ANKS1B: variants seen among roughly 807,000 people sequenced by gnomAD.
ANKS1B encodes the protein ankyrin repeat and sterile alpha motif domain-containing protein 1B.
ANKS1B carries 36 observed loss-of-function variants against 148.3 expected under a neutral mutation model. The observed-to-expected ratio is 0.24, with a 90% CI of 0.19 to 0.32. The LOEUF (loss-of-function observed/expected upper bound fraction) is 0.32. ANKS1B is among the 10% of genes least tolerant of loss of function. The pLI is 1.00. For missense variants in ANKS1B, 1,157 were observed against 1,542.6 expected, an observed-to-expected ratio of 0.75 and a Z score of 4.19; for synonymous variants, 542 against 560.8, an observed-to-expected ratio of 0.97 and a Z score of 0.47.
chr12:99,657,167 T>C (rs538463205), intron 8 of ANKS1B, among the ~76,000 whole-genome samples: 2 of 152,286 alleles, frequency 1.3e-5, no homozygotes, highest in South Asian at 4.1e-4. Context: ...ACAACAGCCA[T>C]TTGAGGCAAA....
At position 98,751,232 on chromosome 12, in the gene ANKS1B, A is replaced by G; in HGVS notation, c.3747+123T>C. 2.0e-6 allele frequency: 2 copies of G among 1,022,492 alleles called. No individual in the cohort carries two copies. Among genetic ancestry groups the G allele is most frequent in the Non-Finnish European group, 2.8e-6 (2 of 707,710 alleles). 63.3% of individuals were successfully genotyped at this position (1,022,492 alleles called of 1,614,324 possible). Reference sequence around the variant, plus strand: ...GATGGACACATGCCAGGAGGAGGCCAAGGGAAAGGATGAAGAAGAGGCCCT... The same window carrying G: ...GATGGACACATGCCAGGAGGAGGCCGAGGGAAAGGATGAAGAAGAGGCCCT... On this transcript the variant is annotated intron_variant, in intron 26 of 26. Transcript: ENST00000683438. This position sits in a 1 kb window ranked among gnomAD's most constrained non-coding sequence, Gnocchi z 4.3.
intron 17 of ANKS1B, among the ~76,000 whole-genome samples, chr12:99,043,805 G>A (rs994895334): frequency 5.9e-5 from 9 of 152,052 alleles, no homozygotes; most frequent in Non-Finnish European, 1.2e-4. Flanking sequence ...TGGCTTATAC[G>A]AATCTTATAC....
Position 98,744,451 on chromosome 12 carries a change from T to G in ANKS1B, c.*1288A>C, listed in dbSNP as rs1223447436. The G allele has an allele frequency of 4.0e-6, 3 of 746,504 alleles. No individual in the cohort carries two copies. Among genetic ancestry groups the G allele is most frequent in the Non-Finnish European group, 4.9e-6 (3 of 611,930 alleles). The allele number at this position is 746,504 out of a possible 1,614,324, so 46.2% of individuals were successfully genotyped here. ...TTCAAAATGATTCACAATATGATTGTTAGAACAATATACATTAAAATGTTA... is the reference window on the plus strand; with the variant it reads ...TTCAAAATGATTCACAATATGATTGGTAGAACAATATACATTAAAATGTTA... On this transcript the variant is annotated 3_prime_UTR_variant, in exon 27 of 27. Coordinates refer to ENST00000683438, the MANE Select transcript of ANKS1B (RefSeq NM_001352186.2).
intron 8 of ANKS1B, among the ~76,000 whole-genome samples, chr12:99,753,307 A>G (rs2061281136): frequency 6.6e-6 from 1 of 152,158 alleles, no homozygotes; most frequent in Non-Finnish European, 1.5e-5. Context: ...ACACCATGCA[A>G]GAAATGCCTA....
intron 12 of ANKS1B, among the ~76,000 whole-genome samples, chr12:99,343,307 A>G (rs1324580953): frequency 6.6e-6 from 1 of 152,056 alleles, no homozygotes; most frequent in African/African-American, 2.4e-5. Context: ...ATGATTCACA[A>G]TTGTTTTTAA....
intron 15 of ANKS1B, among the ~76,000 whole-genome samples, chr12:99,143,637 T>C (rs1022736423): frequency 6.6e-6 from 1 of 152,146 alleles, no homozygotes; most frequent in Admixed American, 6.5e-5. Flanking sequence ...GTCTCCTGCA[T>C]GAATGAAATG....
Position 98,781,159 on chromosome 12 carries a change from A to C in ANKS1B, c.3399T>G (p.Ser1133=). ...TAAATTTGACTCCTTTATATGAGACAGAAAGAATAATAGTAGGGACCTTCT... is the reference window on the plus strand; with the variant it reads ...TAAATTTGACTCCTTTATATGAGACCGAAAGAATAATAGTAGGGACCTTCT... ...QMKKVPTIIL[S]VSYKGVKFID... Residue 1133 remains serine (S), a synonymous_variant, in exon 24 of 27, where the codon TCT becomes TCG. Coordinates refer to ENST00000683438, the MANE Select transcript of ANKS1B (RefSeq NM_001352186.2). The C allele has an allele frequency of 6.3e-7, 1 of 1,587,108 alleles. No homozygotes were observed. Among genetic ancestry groups the C allele is most frequent in the East Asian group, 2.3e-5 (1 of 44,276 alleles).
At chr12:99,553,282 T>C (rs2097241791) in intron 9 of ANKS1B, among the ~76,000 whole-genome samples, 1 of 152,224 alleles carries the variant, frequency 6.6e-6, no homozygotes, top group African/African-American at 2.4e-5. Flanking sequence ...ATAGCCCTCA[T>C]CATTAAACCC....
In ANKS1B at chr12:98,925,829, T is replaced by A. The variant is rs1460716309; in HGVS notation, c.2779-93693A>T. On this transcript the variant is annotated intron_variant, in intron 17 of 26. Transcript: ENST00000683438. ...TTAAGAAAGCTCCATTCTTATAGTT[T>A]GTCTTTATTTGCCTTGACTTAAAGC... 2.0e-5 allele frequency among the ~76,000 whole-genome samples: 3 copies of A among 152,336 alleles called. No individual in the cohort carries two copies. The East Asian group carries it at 5.8e-4, about 29-fold the overall frequency.
At chr12:99,186,391 A>G (rs1317072589) in intron 14 of ANKS1B, among the ~76,000 whole-genome samples, 1 of 152,212 alleles carries the variant, frequency 6.6e-6, no homozygotes, top group East Asian at 1.9e-4. Flanking sequence ...AGCTCTGCTA[A>G]GGGACAGACT....
At chr12:99,462,745 T>A (rs551451602) in intron 10 of ANKS1B, among the ~76,000 whole-genome samples, 94 of 152,196 alleles carry the variant, frequency 6.2e-4, no homozygotes, top group Admixed American at 1.9e-3. Context: ...GAGATGGGCA[T>A]ACTGGGAGGT....
intron 9 of ANKS1B, among the ~76,000 whole-genome samples, chr12:99,528,432 C>CAAAAAAAAAAAAA (rs537716638): frequency 2.1e-5 from 2 of 96,680 alleles, no homozygotes; most frequent in Admixed American, 1.0e-4. Context: ...AAAACAAAAA[C>CAAAAAAAAAAAAA]AAAAAAAAAA....
chr12:98,991,076 T>C (rs967815883), intron 17 of ANKS1B, among the ~76,000 whole-genome samples: 1 of 151,948 alleles, frequency 6.6e-6, no homozygotes, highest in Non-Finnish European at 1.5e-5. Flanking sequence ...GAGAGAGGAG[T>C]AAATACTGAT....
intron 17 of ANKS1B, among the ~76,000 whole-genome samples, chr12:98,857,669 G>A (rs1367423824): frequency 6.6e-6 from 1 of 152,122 alleles, no homozygotes; most frequent in Non-Finnish European, 1.5e-5. Flanking sequence ...ATGAATAAAT[G>A]AATGAAGGTG....
chr12:99,332,846 A>C (rs1250492546), intron 12 of ANKS1B, among the ~76,000 whole-genome samples: 2 of 151,922 alleles, frequency 1.3e-5, no homozygotes, highest in African/African-American at 2.4e-5. Flanking sequence ...AGAGAACTTT[A>C]AGTAATTCCA....
intron 1 of ANKS1B, among the ~76,000 whole-genome samples, chr12:99,964,175 T>C (rs1229915865): frequency 2.0e-5 from 3 of 152,158 alleles, no homozygotes; most frequent in Non-Finnish European, 4.4e-5. Flanking sequence ...TATCAAATTA[T>C]CATCATCTCT....
intron 12 of ANKS1B, among the ~76,000 whole-genome samples, chr12:99,383,139 A>T (rs1276285442): frequency 6.6e-6 from 1 of 152,214 alleles, no homozygotes; most frequent in African/African-American, 2.4e-5. Flanking sequence ...GCTACAGCAC[A>T]GCTAGCGTGA....
At chr12:98,921,274 A>T (rs1049296639) in intron 17 of ANKS1B, among the ~76,000 whole-genome samples, 2 of 152,278 alleles carry the variant, frequency 1.3e-5, no homozygotes, top group East Asian at 3.9e-4. Context: ...CCCAAAATGT[A>T]CAGGTGATAA....
At chr12:99,799,123 A>G (rs2066619161) in intron 4 of ANKS1B, among the ~76,000 whole-genome samples, 1 of 152,082 alleles carries the variant, frequency 6.6e-6, no homozygotes, top group Admixed American at 6.6e-5. Context: ...TAGTTTTGTT[A>G]CTGCTATATC....
Sources: gnomAD v4.1 joint callset for allele counts (sites outside exome capture counted in the v4.1 genomes callset) on GRCh38, gnomAD v4.1.1 for gene constraint, Gnocchi (gnomAD v3.1) non-coding constraint, MANE v1.5 for transcripts, NCBI Gene and HGNC (gene_info 2026-07-23, HGNC 2026-07-21) for gene names.